PKD2L1: variants seen among roughly 807,000 people sequenced by gnomAD.
The protein encoded by PKD2L1 is polycystin 2 like 1, transient receptor potential cation channel.
In PKD2L1, 77 loss-of-function variants were observed where a neutral mutation model predicts 93.0. That is an observed-to-expected ratio of 0.83 (90% confidence interval 0.69 to 1.00). The LOEUF (loss-of-function observed/expected upper bound fraction) is 1.00, where lower values mean the gene tolerates loss of function less well. Among genes scored for constraint, PKD2L1 ranks in the 50% least tolerant of loss-of-function variants. The probability of loss-of-function intolerance (pLI) is 0.00; values close to 1 mark genes in which losing one functional copy is unlikely to be tolerated. For synonymous variants in PKD2L1, 390 were observed against 388.0 expected (o/e 1.01, Z -0.06); for missense variants, 977 against 990.9 (o/e 0.99, Z 0.19).
chr10:100,305,998 C>T (rs4919451), intron 2 of PKD2L1, among the ~76,000 whole-genome samples: 5,028 of 151,984 alleles, frequency 0.033, 94 homozygotes, highest in Middle Eastern at 0.075. Context: ...GCCTGGGCAA[C>T]GTGGCAAGAT....
chr10:100,313,388 C>A (rs901486010), intron 2 of PKD2L1, among the ~76,000 whole-genome samples: 1 of 152,188 alleles, frequency 6.6e-6, no homozygotes, highest in Non-Finnish European at 1.5e-5. Context: ...GCAGGAAAAA[C>A]CTAGTGATTA....
chr10:100,294,889 G>C lies in PKD2L1; in HGVS notation c.1538+53C>G. Reference sequence around the variant, plus strand: ...ATCTTCCCCAAGGATACATACACCCGTGGAGCTGGAGGGTGAGGGGCCAGG... The same window carrying C: ...ATCTTCCCCAAGGATACATACACCCCTGGAGCTGGAGGGTGAGGGGCCAGG... On this transcript the variant is annotated intron_variant, in intron 8 of 15. Transcript: ENST00000318222. The C allele has an allele frequency of 6.0e-6, 9 of 1,496,084 alleles. No homozygotes were observed. The South Asian group carries it at 1.1e-4, about 18-fold the overall frequency. The allele number at this position is 1,496,084 out of a possible 1,614,324, so 92.7% of individuals were successfully genotyped here.
Position 100,298,664 on chromosome 10 carries a change from C to T in PKD2L1, c.629G>A (p.Cys210Tyr). The T allele has an allele frequency of 6.2e-7, 1 of 1,614,202 alleles. No homozygotes were observed. Among genetic ancestry groups the T allele is most frequent in the Non-Finnish European group, 8.5e-7 (1 of 1,180,030 alleles). Residue 210 changes from cysteine to tyrosine, a missense_variant, in exon 4 of 16, where the codon TGT becomes TAT. Physicochemically the swap from Cys to Tyr is radical, Grantham distance 194 (BLOSUM62 -2). Transcript: ENST00000318222. ...LRQLKVRNDS[C>Y]VVHEDFREDI... The stretch of plus-strand genomic sequence containing the variant: ...CTCCCGGAAGTCTTCATGCACCACA[C>T]AGGAGTCATTGCGGACCTTTAGCTG...
intron 2 of PKD2L1, among the ~76,000 whole-genome samples, chr10:100,303,499 A>T (rs965004847): frequency 2.6e-5 from 4 of 152,288 alleles, no homozygotes; most frequent in East Asian, 1.9e-4. Context: ...CAAACATTTT[A>T]AAAGTAGAAT....
chr10:100,291,492 C>A (rs1349633621), intron 11 of PKD2L1, 65 bp from the exon 12 acceptor site: 1 of 1,556,890 alleles, frequency 6.4e-7, no homozygotes, highest in Non-Finnish European at 8.7e-7. Context: ...TTATGGACTT[C>A]CTCACTCTTT....
At chr10:100,326,122 T>C (rs77444408) in intron 2 of PKD2L1, among the ~76,000 whole-genome samples, 4,434 of 152,280 alleles carry the variant, frequency 0.029, 118 homozygotes, top group African/African-American at 0.062. Context: ...CAGAGATACC[T>C]CTGTGACCCA....
chr10:100,296,309 A>T lies in PKD2L1; in HGVS notation c.1186-17T>A, dbSNP rs772473947. On this transcript the variant is annotated splice_polypyrimidine_tract_variant and intron_variant, in intron 6 of 15. Transcript: ENST00000318222. ...AATGGAGAGCTGTCACACAGGGGTC[A>T]TGGGGGTGTCAGAGAAGGCAAGGGG... is the stretch of plus-strand genomic sequence containing the variant. The T allele has an allele frequency of 6.4e-7, 1 of 1,553,622 alleles. No individual in the cohort carries two copies. The highest frequency in any genetic ancestry group is 8.6e-7 in the Non-Finnish European group (1 of 1,156,146).
intron 2 of PKD2L1, among the ~76,000 whole-genome samples, chr10:100,300,921 C>T (rs531469280): frequency 9.2e-5 from 14 of 152,218 alleles, no homozygotes; most frequent in Admixed American, 2.6e-4. Context: ...CCAAAAACTC[C>T]GCTATCGGGG....
At chr10:100,329,347 C>T in intron 1 of PKD2L1, 23 bp from the exon 2 acceptor site, 1 of 1,614,086 alleles carries the variant, frequency 6.2e-7, no homozygotes. Context: ...GGAGAGATGC[C>T]TGGGATGCTC....
At chr10:100,288,684 T>C (rs960370261) in intron 15 of PKD2L1, among the ~76,000 whole-genome samples, 5 of 152,160 alleles carry the variant, frequency 3.3e-5, no homozygotes, top group Admixed American at 6.5e-5. Flanking sequence ...TAACTTTTTT[T>C]TTTTTAATTA....
intron 4 of PKD2L1, among the ~76,000 whole-genome samples, chr10:100,297,845 C>A (rs1157396027): frequency 6.6e-6 from 1 of 151,750 alleles, no homozygotes; most frequent in Non-Finnish European, 1.5e-5. Context: ...CCACATTTTG[C>A]AGAAGAGGAA....
intron 4 of PKD2L1, 67 bp downstream of exon 4, chr10:100,298,495 A>C: frequency 6.5e-7 from 1 of 1,543,150 alleles, no homozygotes; most frequent in Non-Finnish European, 8.8e-7. Flanking sequence ...AGTGGTTCCC[A>C]GACCTTGGGA....
intron 2 of PKD2L1, among the ~76,000 whole-genome samples, chr10:100,318,140 A>T (rs922319592): frequency 2.0e-5 from 3 of 152,044 alleles, no homozygotes; most frequent in Non-Finnish European, 2.9e-5. Context: ...TGTGAGTAGA[A>T]CCTCTGCCCA....
At position 100,292,951 on chromosome 10, in the gene PKD2L1, C is replaced by T; in HGVS notation, c.1877G>A (p.Arg626Lys). ...IQFEDFTNTL[R>K]ELGHAEHEIT... ...GGCTGGGTCTCTGGTTGCTCACTCC[C>T]TTAAGGTGTTGGTGAAATCCTCAAA... The change falls in exon 11 of 16, where the codon AGG becomes AAG. Residue 626 changes from arginine (R) to lysine (K), a missense_variant. Coordinates refer to ENST00000318222, the MANE Select transcript of PKD2L1 (RefSeq NM_016112.3). 6.2e-7 allele frequency: 1 copy of T among 1,613,900 alleles called. No individual in the cohort carries two copies. Among genetic ancestry groups the T allele is most frequent in the Non-Finnish European group, 8.5e-7 (1 of 1,179,878 alleles).
chr10:100,302,130 G>A (rs562846793), intron 2 of PKD2L1, among the ~76,000 whole-genome samples: 30 of 151,994 alleles, frequency 2.0e-4, no homozygotes, highest in Non-Finnish European at 3.1e-4. Flanking sequence ...CCACTGCACC[G>A]GCCTCAAATG....
intron 2 of PKD2L1, among the ~76,000 whole-genome samples, chr10:100,328,272 G>T (rs373220592): frequency 2.0e-5 from 3 of 151,946 alleles, no homozygotes; most frequent in Non-Finnish European, 4.4e-5. Context: ...TCCCACAGTC[G>T]CCCTCCTATC....
chr10:100,320,776 T>C (rs1440226413), intron 2 of PKD2L1, among the ~76,000 whole-genome samples: 1 of 152,206 alleles, frequency 6.6e-6, no homozygotes, highest in African/African-American at 2.4e-5. Context: ...TTTGATGAGG[T>C]TGTGACAAAA....
At chr10:100,318,059 G>A (rs1421535366) in intron 2 of PKD2L1, among the ~76,000 whole-genome samples, 1 of 151,298 alleles carries the variant, frequency 6.6e-6, no homozygotes, top group East Asian at 1.9e-4. Context: ...CAGCCTGGGC[G>A]ATAGAGCAAG....
chr10:100,321,894 G>GCAAGCAAGGAAGGAA (rs1367238656), intron 2 of PKD2L1, among the ~76,000 whole-genome samples: 21 of 1,590 alleles, frequency 0.013, 3 homozygotes, highest in African/African-American at 0.023. Flanking sequence ...GAGGGAGGGA[G>GCAAGCAAGGAAGGAA]GGAAGGAAGC....
Sources: allele counts gnomAD v4.1 joint callset (sites outside exome capture counted in the v4.1 genomes callset), GRCh38; gene constraint gnomAD v4.1.1; transcripts MANE v1.5; gene names NCBI Gene and HGNC (gene_info 2026-07-23, HGNC 2026-07-21).